Variants in RBFOX1 observed in about 807,000 individuals in gnomAD.
RBFOX1 encodes RNA binding fox-1 homolog 1.
Under a neutral mutation model 57.7 loss-of-function variants are expected in RBFOX1, and 8 were observed. That is an observed-to-expected ratio of 0.14 (90% CI 0.08 to 0.25). The LOEUF is 0.25. Ranked by LOEUF, RBFOX1 falls within the 10% of genes least tolerant of loss-of-function variation. The pLI is 1.00. For synonymous variants in RBFOX1, 326 were observed against 222.4 expected (o/e 1.47, Z -4.15); for missense variants, 611 against 548.5 (o/e 1.11, Z -1.14).
chr16:6,018,051 C>G (rs2095007925), upstream of RBFOX1, among the ~76,000 whole-genome samples: 3 of 152,168 alleles, frequency 2.0e-5, no homozygotes, highest in Admixed American at 2.0e-4. Context: ...CTGGGGAGTC[C>G]TGGTTCCTTG....
chr16:6,483,551 C>G, intron 2 of RBFOX1: 1 of 1,535,136 alleles, frequency 6.5e-7, no homozygotes, highest in South Asian at 1.2e-5. Flanking sequence ...TCAGGTACGG[C>G]GAGCGAAGAA....
chr16:5,901,211 ACTT>A (rs768061722), intron 4 of RBFOX1, among the ~76,000 whole-genome samples: 39 of 152,238 alleles, frequency 2.6e-4, no homozygotes, highest in Admixed American at 1.2e-3. Context: ...TGTGGGGGCT[ACTT>A]CTTATATCCA....
intron 1 of RBFOX1, among the ~76,000 whole-genome samples, chr16:6,048,114 A>G (rs1399142465): frequency 2.0e-5 from 3 of 152,198 alleles, no homozygotes; most frequent in Non-Finnish European, 4.4e-5. Flanking sequence ...TTTTACGGTA[A>G]AATTGCCATA....
At chr16:7,170,520 A>G (rs183997946) in intron 4 of RBFOX1, among the ~76,000 whole-genome samples, 18 of 152,326 alleles carry the variant, frequency 1.2e-4, no homozygotes, top group Admixed American at 1.0e-3. Context: ...AAGTATGAGT[A>G]GATGGGATTG....
At chr16:6,838,014 T>A (rs1400829859) in intron 3 of RBFOX1, among the ~76,000 whole-genome samples, 1 of 152,048 alleles carries the variant, frequency 6.6e-6, no homozygotes, top group Non-Finnish European at 1.5e-5. Flanking sequence ...ACCCCTTTTT[T>A]TTTTTTTCCA....
intron 1 of RBFOX1, among the ~76,000 whole-genome samples, chr16:6,315,362 G>GTGGA (rs754638128): frequency 2.1e-4 from 32 of 150,152 alleles, no homozygotes; most frequent in African/African-American, 4.7e-4. Flanking sequence ...GAATGGGTGG[G>GTGGA]TGGATGGATG....
At chr16:7,390,775 C>G (rs560585495) in intron 4 of RBFOX1, among the ~76,000 whole-genome samples, 39 of 152,156 alleles carry the variant, frequency 2.6e-4, no homozygotes, top group African/African-American at 8.9e-4. Context: ...CAGAAAGAGA[C>G]TATTTTCTTT....
intron 3 of RBFOX1, among the ~76,000 whole-genome samples, chr16:5,811,069 C>G (rs898550705): frequency 6.6e-6 from 1 of 151,770 alleles, no homozygotes; most frequent in Non-Finnish European, 1.5e-5. Flanking sequence ...CAGACAACCA[C>G]TGATCTGCTT....
intron 3 of RBFOX1, among the ~76,000 whole-genome samples, chr16:6,790,750 C>T (rs1226256437): frequency 6.6e-6 from 1 of 152,104 alleles, no homozygotes; most frequent in Non-Finnish European, 1.5e-5. Flanking sequence ...TCTCTAGACC[C>T]TCCTTATTCT....
At chr16:5,335,752 A>C (rs1218001533) in intron 1 of RBFOX1, among the ~76,000 whole-genome samples, 1 of 152,214 alleles carries the variant, frequency 6.6e-6, no homozygotes, top group Non-Finnish European at 1.5e-5. Flanking sequence ...CCATGACTGT[A>C]TCTTCAGAAG....
At chr16:5,451,217 G>C (rs1254806522) in intron 1 of RBFOX1, among the ~76,000 whole-genome samples, 1 of 152,082 alleles carries the variant, frequency 6.6e-6, no homozygotes, top group East Asian at 1.9e-4. Context: ...TAATTTCTAA[G>C]ACCCATTTAA....
chr16:7,636,063 G>T (rs1357372373), intron 11 of RBFOX1, among the ~76,000 whole-genome samples: 1 of 152,240 alleles, frequency 6.6e-6, no homozygotes, highest in Non-Finnish European at 1.5e-5. Flanking sequence ...ACCCGCCTTG[G>T]CCGCCCACAG....
chr16:7,327,678 T>C lies in RBFOX1; in HGVS notation c.28-190469T>C, dbSNP rs150734610. On this transcript the variant is annotated intron_variant, in intron 4 of 15. Transcript: ENST00000550418. ...GATCCTACAGTGAGCTCCTGACCTGTGGGAGAGGCAGCTTTTTCGCAGATA... is the reference window on the plus strand; with the variant it reads ...GATCCTACAGTGAGCTCCTGACCTGCGGGAGAGGCAGCTTTTTCGCAGATA... 4.1e-3 allele frequency among the ~76,000 whole-genome samples: 630 copies of C among 152,310 alleles called. 6 individuals carry two copies. In the Middle Eastern group the frequency reaches 0.068, roughly 16 times the overall value.
At chr16:7,132,897 T>C (rs2070904861) in intron 4 of RBFOX1, among the ~76,000 whole-genome samples, 1 of 152,198 alleles carries the variant, frequency 6.6e-6, no homozygotes, top group African/African-American at 2.4e-5. Flanking sequence ...CTGACATATG[T>C]GCATAAAAAT....
intron 3 of RBFOX1, among the ~76,000 whole-genome samples, chr16:6,921,645 A>ATATAT (rs910975670): frequency 4.9e-4 from 27 of 55,266 alleles, no homozygotes; most frequent in African/African-American, 1.6e-3. Context: ...ATATATATAT[A>ATATAT]TTTTTTTTTT....
At chr16:7,066,949 G>T (rs1376559878) in intron 4 of RBFOX1, among the ~76,000 whole-genome samples, 1 of 152,176 alleles carries the variant, frequency 6.6e-6, no homozygotes, top group Non-Finnish European at 1.5e-5. Flanking sequence ...ATACCAAACT[G>T]TAGAATTTTT....
At chr16:6,787,309 C>T (rs1158424830) in intron 3 of RBFOX1, among the ~76,000 whole-genome samples, 4 of 152,140 alleles carry the variant, frequency 2.6e-5, no homozygotes, top group South Asian at 4.1e-4. Context: ...GTTGGTCCTG[C>T]CATGTTCGTG....
intron 2 of RBFOX1, among the ~76,000 whole-genome samples, chr16:6,609,770 G>A (rs2098013228): frequency 6.6e-6 from 1 of 152,050 alleles, no homozygotes; most frequent in South Asian, 2.1e-4. Context: ...AGCACTTTGG[G>A]AGGCCGAGGC....
At chr16:5,641,664 C>T (rs1596553946) in intron 3 of RBFOX1, among the ~76,000 whole-genome samples, 1 of 152,198 alleles carries the variant, frequency 6.6e-6, no homozygotes, top group Non-Finnish European at 1.5e-5. Flanking sequence ...TATGCTTGGG[C>T]AGTGAGCTCA....
Sources: gnomAD v4.1 joint callset for allele counts (sites outside exome capture counted in the v4.1 genomes callset) on GRCh38, gnomAD v4.1.1 for gene constraint, MANE v1.5 for transcripts, NCBI Gene and HGNC (gene_info 2026-07-23, HGNC 2026-07-21) for gene names.